Variants in UNC5D observed in about 807,000 individuals in gnomAD.
UNC5D encodes the protein netrin receptor UNC5D.
UNC5D carries 39 observed loss-of-function variants against 105.4 expected under a neutral mutation model. That is an observed-to-expected ratio of 0.37 (90% confidence interval 0.29 to 0.48). The LOEUF (loss-of-function observed/expected upper bound fraction) is 0.48, where lower values mean the gene tolerates loss of function less well. Ranked by LOEUF, UNC5D falls within the 20% of genes least tolerant of loss-of-function variation. The pLI is 0.98. For synonymous variants in UNC5D, 452 were observed against 450.4 expected (o/e 1.00, Z -0.04); for missense variants, 991 against 1,202.4 (o/e 0.82, Z 2.60).
At chr8:35,340,551 T>C (rs1811387611) in intron 1 of UNC5D, among the ~76,000 whole-genome samples, 1 of 152,204 alleles carries the variant, frequency 6.6e-6, no homozygotes, top group African/African-American at 2.4e-5. Flanking sequence ...GTTTGGAATC[T>C]TCCATTTGCA....
At chr8:35,492,610 A>G (rs565607864) in intron 1 of UNC5D, among the ~76,000 whole-genome samples, 5 of 152,238 alleles carry the variant, frequency 3.3e-5, no homozygotes, top group African/African-American at 1.2e-4. Flanking sequence ...TAAATTTATT[A>G]AAGTAAATAT....
At chr8:35,666,689 T>G (rs1237545972) in intron 4 of UNC5D, among the ~76,000 whole-genome samples, 1 of 152,138 alleles carries the variant, frequency 6.6e-6, no homozygotes, top group Non-Finnish European at 1.5e-5. Flanking sequence ...ATGTGCAAAG[T>G]TACTTGTTTT....
chr8:35,390,820 C>T (rs985441752), intron 1 of UNC5D, among the ~76,000 whole-genome samples: 2 of 152,194 alleles, frequency 1.3e-5, no homozygotes, highest in Non-Finnish European at 2.9e-5. Context: ...TATAACTCTT[C>T]TTCATTGTCT....
chr8:35,665,223 T>C (rs903867909), intron 4 of UNC5D, among the ~76,000 whole-genome samples: 1 of 152,204 alleles, frequency 6.6e-6, no homozygotes, highest in East Asian at 1.9e-4. Flanking sequence ...CTATTCAAGC[T>C]TTCATCCTTT....
chr8:35,747,882 G>C (rs1440055852), intron 11 of UNC5D, among the ~76,000 whole-genome samples: 1 of 152,160 alleles, frequency 6.6e-6, no homozygotes, highest in African/African-American at 2.4e-5. Flanking sequence ...TTTAAATTTA[G>C]ATCTAAAATA....
chr8:35,237,882 G>A (rs561307406), intron 1 of UNC5D, among the ~76,000 whole-genome samples: 1 of 152,292 alleles, frequency 6.6e-6, no homozygotes, highest in Admixed American at 6.5e-5. Context: ...ACAGTTGGGT[G>A]TAATTGGAGT....
intron 8 of UNC5D, among the ~76,000 whole-genome samples, chr8:35,715,285 A>G (rs1327684571): frequency 6.6e-6 from 1 of 152,224 alleles, no homozygotes; most frequent in Non-Finnish European, 1.5e-5. Flanking sequence ...TAGAGAAAGG[A>G]AAAGAAAAAC....
Position 35,235,831 on chromosome 8 carries a change from G to A in UNC5D, c.47G>A (p.Arg16His). The A allele has an allele frequency of 8.1e-7, 1 of 1,230,272 alleles. No individual in the cohort carries two copies. Among genetic ancestry groups the A allele is most frequent in the Non-Finnish European group, 1.0e-6 (1 of 986,688 alleles). 76.2% of individuals were successfully genotyped at this position (1,230,272 alleles called of 1,614,324 possible). A position where few individuals can be genotyped will look rare whatever the true frequency, so the allele number is the denominator to read the frequency against. Reference sequence around the variant, plus strand: ...GCAGGCGGCGGCGGAGGGGCGCGCCGCTGGCTCCCGTGGCTGGGGCTGTGC... The same window carrying A: ...GCAGGCGGCGGCGGAGGGGCGCGCCACTGGCTCCCGTGGCTGGGGCTGTGC... ...ATAGGGGGAR[R>H]WLPWLGLCFW... The change falls in exon 1 of 17, where the codon CGC becomes CAC. Residue 16 changes from arginine to histidine, a missense_variant. Physicochemically the swap from Arg to His is conservative, Grantham distance 29 (BLOSUM62 0). This residue lies in a region of UNC5D where 944 missense variants were observed against 1,131.6 expected (regional missense o/e 0.83). Transcript: ENST00000404895.
intron 1 of UNC5D, among the ~76,000 whole-genome samples, chr8:35,473,131 T>C (rs758135992): frequency 1.8e-4 from 28 of 152,120 alleles, no homozygotes; most frequent in Non-Finnish European, 2.6e-4. Context: ...GCCAATGACC[T>C]CAATTACAAG....
chr8:35,769,781 A>T (rs1801928930), intron 15 of UNC5D, among the ~76,000 whole-genome samples: 1 of 152,058 alleles, frequency 6.6e-6, no homozygotes, highest in Non-Finnish European at 1.5e-5. Flanking sequence ...TGGCTAACAC[A>T]TGAAACCCCG....
intron 4 of UNC5D, among the ~76,000 whole-genome samples, chr8:35,673,756 A>G (rs185355147): frequency 9.2e-5 from 14 of 152,338 alleles, no homozygotes; most frequent in Admixed American, 2.0e-4. Flanking sequence ...GGTGTCCAAT[A>G]CAGTCACAAG....
At chr8:35,429,246 AG>A (rs1324529438) in intron 1 of UNC5D, among the ~76,000 whole-genome samples, 8 of 152,276 alleles carry the variant, frequency 5.3e-5, no homozygotes, top group African/African-American at 1.9e-4. Flanking sequence ...GAGGTCAGGA[AG>A]TGTTGTGCTA....
intron 3 of UNC5D, among the ~76,000 whole-genome samples, chr8:35,568,753 C>T (rs1234784484): frequency 6.6e-6 from 1 of 152,142 alleles, no homozygotes; most frequent in African/African-American, 2.4e-5. Context: ...ATTAGTTTGG[C>T]TAGGAGATTC....
chr8:35,742,635 TA>T (rs1397357003), intron 11 of UNC5D, among the ~76,000 whole-genome samples: 1 of 152,132 alleles, frequency 6.6e-6, no homozygotes, highest in East Asian at 1.9e-4. Flanking sequence ...ACAGCTACAG[TA>T]AAAACCTCAT....
chr8:35,656,780 C>T (rs1308323342), intron 4 of UNC5D, among the ~76,000 whole-genome samples: 1 of 151,956 alleles, frequency 6.6e-6, no homozygotes, highest in Non-Finnish European at 1.5e-5. Context: ...ACACAGGGAG[C>T]TTTAGCAGCA....
chr8:35,341,547 T>C (rs1441682411), intron 1 of UNC5D, among the ~76,000 whole-genome samples: 1 of 152,042 alleles, frequency 6.6e-6, no homozygotes, highest in African/African-American at 2.4e-5. Context: ...ATCTTCTCCC[T>C]GTTCTCTTTC....
chr8:35,619,376 A>T (rs1183542143), intron 4 of UNC5D, among the ~76,000 whole-genome samples: 4 of 152,184 alleles, frequency 2.6e-5, no homozygotes, highest in Non-Finnish European at 4.4e-5. Context: ...GTTGCCCAGG[A>T]AGTTCAATTA....
intron 12 of UNC5D, among the ~76,000 whole-genome samples, chr8:35,749,248 A>G (rs554442507): frequency 6.6e-6 from 1 of 152,318 alleles, no homozygotes; most frequent in East Asian, 1.9e-4. Flanking sequence ...ATACAGTAGG[A>G]GACAAGGAAA....
At chr8:35,402,235 A>T (rs1804513201) in intron 1 of UNC5D, among the ~76,000 whole-genome samples, 1 of 152,108 alleles carries the variant, frequency 6.6e-6, no homozygotes, top group African/African-American at 2.4e-5. Context: ...CATACCCAAG[A>T]CTGGGTAATT....
Sources: allele counts gnomAD v4.1 joint callset (sites outside exome capture counted in the v4.1 genomes callset), GRCh38; gene constraint gnomAD v4.1.1; regional missense constraint gnomAD v4.1.1; transcripts MANE v1.5; gene names NCBI Gene and HGNC (gene_info 2026-07-23, HGNC 2026-07-21).